The following CRISPLD2 variants were observed in gnomAD, a reference collection of about 807,000 sequenced individuals.
CRISPLD2 encodes cysteine-rich secretory protein LCCL domain-containing 2.
Under a neutral mutation model 71.1 loss-of-function variants are expected in CRISPLD2, and 47 were observed. The ratio of observed to expected loss-of-function variants is 0.66; its 90% CI spans 0.52 to 0.84. The LOEUF is 0.84. Among genes scored for constraint, CRISPLD2 ranks in the 40% least tolerant of loss-of-function variants. The probability of loss-of-function intolerance (pLI) is 0.00; values close to 1 mark genes in which losing one functional copy is unlikely to be tolerated. For synonymous variants in CRISPLD2, 317 were observed against 250.1 expected (o/e 1.27, Z -2.52); for missense variants, 830 against 651.1 (o/e 1.27, Z -2.99).
rs557424855 is a variant in CRISPLD2 at position 84,841,017 on chromosome 16, G to A, written c.240+2282G>A. On this transcript the variant is annotated intron_variant, in intron 2 of 14. Transcript: ENST00000262424. ...AAGCAGATGAGGTCCCCGTCCACAC[G>A]GCACCTCCGGACTAGTGTAGCCAGG... Among the ~76,000 whole-genome samples the A allele has an allele frequency of 3.3e-5, 5 of 152,314 alleles. No homozygotes were observed. In the South Asian group the frequency reaches 8.3e-4, roughly 25 times the overall value.
chr16:84,846,921 C>T (rs1203877382), intron 3 of CRISPLD2, among the ~76,000 whole-genome samples: 1 of 152,206 alleles, frequency 6.6e-6, no homozygotes, highest in Non-Finnish European at 1.5e-5. Context: ...CCCAAAGAAC[C>T]CAGAAGTCCC....
intron 11 of CRISPLD2, among the ~76,000 whole-genome samples, chr16:84,876,121 C>G (rs1396502087): frequency 6.6e-6 from 1 of 152,218 alleles, no homozygotes; most frequent in Non-Finnish European, 1.5e-5. Flanking sequence ...TATAGCTCCT[C>G]TCTGCTACAA....
intron 2 of CRISPLD2, among the ~76,000 whole-genome samples, chr16:84,844,136 G>C (rs530646270): frequency 2.0e-5 from 3 of 152,364 alleles, no homozygotes; most frequent in Admixed American, 1.3e-4. Flanking sequence ...AGGGCTGCCT[G>C]GCATCTGTTC....
chr16:84,884,940 C>G (rs922077732), intron 13 of CRISPLD2, among the ~76,000 whole-genome samples: 1 of 152,198 alleles, frequency 6.6e-6, no homozygotes, highest in African/African-American at 2.4e-5. Flanking sequence ...GGATGGGTCC[C>G]TCCTGGCGTT....
chr16:84,900,877 T>G (rs1157866633), intron 14 of CRISPLD2, among the ~76,000 whole-genome samples: 1 of 151,604 alleles, frequency 6.6e-6, no homozygotes, highest in African/African-American at 2.4e-5. Context: ...CATGGTGAAA[T>G]CCCATCTCTA....
intron 1 of CRISPLD2, among the ~76,000 whole-genome samples, chr16:84,827,449 C>T (rs189405876): frequency 1.3e-5 from 2 of 152,146 alleles, no homozygotes; most frequent in Non-Finnish European, 2.9e-5. Context: ...TGACCCCATT[C>T]CTCCCCAGCT....
At chr16:84,839,166 C>A (rs1448362839) in intron 2 of CRISPLD2, 2 of 353,166 alleles carry the variant, frequency 5.7e-6, no homozygotes, top group African/African-American at 4.3e-5. Context: ...GGATTATAGG[C>A]ATGAGTCACC....
intron 6 of CRISPLD2, 40 bp from the exon 7 acceptor site, chr16:84,866,857 C>G: frequency 6.3e-7 from 1 of 1,592,554 alleles, no homozygotes; most frequent in Admixed American, 1.7e-5. Context: ...TTTGTTGAAT[C>G]CCAGTGTGTT....
chr16:84,842,233 G>C (rs1040762866), intron 2 of CRISPLD2: 6 of 151,768 alleles, frequency 4.0e-5, no homozygotes, highest in African/African-American at 1.2e-4. Context: ...GAGTCACTGC[G>C]TTCCCTCGTG....
At chr16:84,850,153 C>A (rs4783089) in intron 4 of CRISPLD2, among the ~76,000 whole-genome samples, 1 of 150,840 alleles carries the variant, frequency 6.6e-6, no homozygotes, top group African/African-American at 2.4e-5. Flanking sequence ...TGCAGTGGCA[C>A]GATCTTGGCT....
Position 84,907,300 on chromosome 16 carries a change from A to G in CRISPLD2, c.*658A>G, listed in dbSNP as rs375205415. 16 of 157,816 alleles carry G rather than the reference A, an allele frequency of 1.0e-4. No homozygotes were observed. In the South Asian group the frequency reaches 3.0e-3, roughly 29 times the overall value. 9.8% of individuals were successfully genotyped at this position (157,816 alleles called of 1,614,324 possible). On this transcript the variant is annotated 3_prime_UTR_variant, in exon 15 of 15. Transcript: ENST00000262424. ...CAATGGCCGCATTCAGGATGGCTCT[A>G]TACACAGCAGTGCTGGTTTATGTAG...
intron 1 of CRISPLD2, among the ~76,000 whole-genome samples, chr16:84,823,850 T>C (rs774433084): frequency 1.3e-5 from 2 of 152,200 alleles, no homozygotes; most frequent in African/African-American, 2.4e-5. Flanking sequence ...AATCCCACAT[T>C]TTCAATCCCA....
intron 1 of CRISPLD2, among the ~76,000 whole-genome samples, chr16:84,833,191 G>T (rs942367029): frequency 2.0e-5 from 3 of 152,166 alleles, no homozygotes; most frequent in African/African-American, 4.8e-5. Flanking sequence ...TGGGCAGCGC[G>T]GGAGAAGTGT....
At chr16:84,829,039 C>T (rs1333716278) in intron 1 of CRISPLD2, 2 of 151,924 alleles carry the variant, frequency 1.3e-5, no homozygotes, top group African/African-American at 4.8e-5. Flanking sequence ...CTTACCACTG[C>T]ACTCCATCCT....
At chr16:84,874,699 GT>G (rs528414429) in intron 11 of CRISPLD2, among the ~76,000 whole-genome samples, 1,690 of 152,048 alleles carry the variant, frequency 0.011, 28 homozygotes, top group African/African-American at 0.038. Context: ...ATATGTAGTA[GT>G]TTTTTTTCTT....
intron 2 of CRISPLD2, chr16:84,839,208 T>A (rs545858097): frequency 1.5e-5 from 5 of 331,872 alleles, no homozygotes; most frequent in Admixed American, 8.6e-5. Context: ...CTTAACATTC[T>A]GCCAAAACAA....
chr16:84,886,015 C>G (rs1478087536), intron 13 of CRISPLD2, among the ~76,000 whole-genome samples: 1 of 151,946 alleles, frequency 6.6e-6, no homozygotes, highest in Non-Finnish European at 1.5e-5. Context: ...GAGACCAGAT[C>G]TCGCTATGTT....
Position 84,899,552 on chromosome 16 carries a change from T to G in CRISPLD2, c.1440-7036T>G, listed in dbSNP as rs562820465. Among the ~76,000 whole-genome samples, 19 of 152,292 alleles carry G rather than the reference T, an allele frequency of 1.2e-4. No homozygotes were observed. The South Asian group carries it at 3.5e-3, about 28-fold the overall frequency. ...CTTGGTGCCCAAACCTGCGGGAATT[T>G]TTACCTGTGGCGGTGGATGGCACCA... On this transcript the variant is annotated intron_variant, in intron 14 of 14. Transcript: ENST00000262424.
intron 14 of CRISPLD2, among the ~76,000 whole-genome samples, chr16:84,891,016 C>G (rs941169411): frequency 1.3e-5 from 2 of 152,172 alleles, no homozygotes; most frequent in East Asian, 1.9e-4. Flanking sequence ...ATCTGCCTGG[C>G]TTGGCCTCCC....
Sources: allele counts gnomAD v4.1 joint callset (sites outside exome capture counted in the v4.1 genomes callset), GRCh38; gene constraint gnomAD v4.1.1; transcripts MANE v1.5; gene names NCBI Gene and HGNC (gene_info 2026-07-23, HGNC 2026-07-21).